Variants in BLK observed in about 807,000 individuals in gnomAD.
BLK encodes the protein BLK proto-oncogene, Src family tyrosine kinase.
Under a neutral mutation model 61.8 loss-of-function variants are expected in BLK, and 64 were observed. The observed-to-expected ratio is 1.03, with a 90% confidence interval of 0.85 to 1.27. The LOEUF is 1.27. BLK is among the 50% of genes most tolerant of loss of function. BLK has a pLI of 0.00. For synonymous variants in BLK, 351 were observed against 272.0 expected, an observed-to-expected ratio of 1.29 and a Z score of -2.86; for missense variants, 853 against 660.5, an observed-to-expected ratio of 1.29 and a Z score of -3.19.
At chr8:11,542,949 A>T (rs1284707283) in intron 1 of BLK, among the ~76,000 whole-genome samples, 1 of 152,132 alleles carries the variant, frequency 6.6e-6, no homozygotes, top group African/African-American at 2.4e-5. Context: ...GAGGACCTGG[A>T]TCCACCCCAG....
At chr8:11,533,177 G>T (rs1799961030) in intron 1 of BLK, among the ~76,000 whole-genome samples, 1 of 152,180 alleles carries the variant, frequency 6.6e-6, no homozygotes, top group African/African-American at 2.4e-5. Flanking sequence ...CAGGACATCT[G>T]TGTCTCTAGA....
Position 11,536,450 on chromosome 8 carries a change from G to A in BLK, c.-1-6774G>A, listed in dbSNP as rs533485425. 2.6e-5 allele frequency among the ~76,000 whole-genome samples: 4 copies of A among 152,142 alleles called. No homozygotes were observed. In the South Asian group the frequency reaches 6.2e-4, roughly 24 times the overall value. ...CTGTCAACTAGGCTGGAGTGCAGTGGCAGGATCTTGGCTCACTGCAACCTC... is the reference window on the plus strand; with the variant it reads ...CTGTCAACTAGGCTGGAGTGCAGTGACAGGATCTTGGCTCACTGCAACCTC... On this transcript the variant is annotated intron_variant, in intron 1 of 12. Transcript: ENST00000259089.
At chr8:11,562,383 C>T (rs576725014) in intron 11 of BLK, among the ~76,000 whole-genome samples, 16 of 152,298 alleles carry the variant, frequency 1.1e-4, no homozygotes, top group South Asian at 8.3e-4. Context: ...CTTGTTCTCT[C>T]GGGAACTTCA....
At chr8:11,518,925 A>AC (rs1392625813) in intron 1 of BLK, among the ~76,000 whole-genome samples, 7 of 152,130 alleles carry the variant, frequency 4.6e-5, no homozygotes, top group African/African-American at 1.7e-4. Context: ...AGACTCCAGC[A>AC]TACGTCGCAC....
intron 11 of BLK, 63 bp from the exon 12 acceptor site, chr8:11,562,916 T>A: frequency 6.2e-7 from 1 of 1,608,136 alleles, no homozygotes; most frequent in South Asian, 1.1e-5. Flanking sequence ...GGGGTAGGGG[T>A]GAGGATGGAG....
intron 10 of BLK, chr8:11,559,118 C>A (rs779682220): frequency 5.5e-5 from 22 of 400,486 alleles, no homozygotes; most frequent in Non-Finnish European, 9.7e-5. Context: ...CCCACTACAC[C>A]CCCTTGGGAA....
At chr8:11,536,130 A>G (rs1413277745) in intron 1 of BLK, among the ~76,000 whole-genome samples, 1 of 152,232 alleles carries the variant, frequency 6.6e-6, no homozygotes, top group Non-Finnish European at 1.5e-5. Flanking sequence ...ATACCATGGA[A>G]ATATTGCTAG....
In BLK at chr8:11,564,063, G is replaced by A; in HGVS notation, c.1473G>A (p.Glu491=). Residue 491 remains glutamate, a synonymous_variant, in exon 13 of 13, where the codon GAG becomes GAA. Coordinates refer to ENST00000259089, the MANE Select transcript of BLK (RefSeq NM_001715.3). ...TCGAGTTCCTGCAGTCGGTGCTGGA[G>A]GACTTCTACACGGCCACCGAGCGGC... ...PTFEFLQSVL[E]DFYTATERQY... 1 of 1,599,782 alleles carries A rather than the reference G, an allele frequency of 6.3e-7. No individual in the cohort carries two copies. The highest frequency in any genetic ancestry group is 8.5e-7 in the Non-Finnish European group (1 of 1,177,134).
intron 1 of BLK, among the ~76,000 whole-genome samples, chr8:11,542,771 T>C (rs1486885799): frequency 6.6e-6 from 1 of 152,220 alleles, no homozygotes; most frequent in Non-Finnish European, 1.5e-5. Context: ...AGTCATCTTC[T>C]AACAAAGCCC....
intron 5 of BLK, 99 bp downstream of exon 5, chr8:11,549,221 G>C: frequency 9.2e-7 from 1 of 1,082,056 alleles, no homozygotes; most frequent in Admixed American, 2.0e-5. Context: ...ACTGACCAGG[G>C]AGCCTGCAGG....
intron 1 of BLK, among the ~76,000 whole-genome samples, chr8:11,530,875 T>A (rs1370468519): frequency 6.6e-6 from 1 of 152,260 alleles, no homozygotes; most frequent in Admixed American, 6.5e-5. Context: ...TTCTCTTTGA[T>A]AAGCAACAAG....
At position 11,549,167 on chromosome 8, in the gene BLK, G is replaced by A. The variant is rs1318247999; in HGVS notation, c.368+45G>A. ...CCCCTCGAGCCAAGATGCAGTCACT[G>A]TTTCTGCTCCCTGGGCTGTTAGGCA... is the stretch of plus-strand genomic sequence containing the variant. On this transcript the variant is annotated intron_variant, in intron 5 of 12. Transcript: ENST00000259089. 3.3e-6 allele frequency: 5 copies of A among 1,522,870 alleles called. No homozygotes were observed. In the South Asian group the frequency reaches 4.8e-5, roughly 15 times the overall value. 94.3% of individuals were successfully genotyped at this position (1,522,870 alleles called of 1,614,324 possible).
chr8:11,507,102 G>A (rs1798801175), intron 1 of BLK, among the ~76,000 whole-genome samples: 1 of 152,222 alleles, frequency 6.6e-6, no homozygotes, highest in South Asian at 2.1e-4. Context: ...GCATCACTGA[G>A]CTTGTGACAT....
chr8:11,525,383 C>G (rs1471103864), intron 1 of BLK, among the ~76,000 whole-genome samples: 1 of 152,030 alleles, frequency 6.6e-6, no homozygotes, highest in African/African-American at 2.4e-5. Flanking sequence ...TGATTTTTAC[C>G]AAAAATGTCC....
At chr8:11,551,696 T>G (rs1800913584) in intron 6 of BLK, among the ~76,000 whole-genome samples, 1 of 152,188 alleles carries the variant, frequency 6.6e-6, no homozygotes. Context: ...TGTTTCCAGT[T>G]TGGGGCTGTT....
At chr8:11,527,775 T>TA (rs113320027) in intron 1 of BLK, among the ~76,000 whole-genome samples, 2,351 of 139,176 alleles carry the variant, frequency 0.017, 48 homozygotes, top group African/African-American at 0.056. Context: ...AGTCTGGGTG[T>TA]AAAAAAAAAA....
chr8:11,548,162 A>AC (rs753710738), intron 4 of BLK, 37 bp downstream of exon 4: 1 of 1,497,206 alleles, frequency 6.7e-7, no homozygotes, highest in Non-Finnish European at 9.2e-7. Flanking sequence ...TCCCTGCAGG[A>AC]CCCCCCTCCC....
At chr8:11,556,429 T>C (rs1801226368) in intron 8 of BLK, 1 of 583,814 alleles carries the variant, frequency 1.7e-6, no homozygotes, top group Admixed American at 2.6e-5. Flanking sequence ...GGCAAATAGG[T>C]GAAATGCCCC....
intron 1 of BLK, among the ~76,000 whole-genome samples, chr8:11,496,613 G>A (rs1049551343): frequency 6.6e-6 from 1 of 152,194 alleles, no homozygotes; most frequent in Non-Finnish European, 1.5e-5. Context: ...TCTGCCCAGC[G>A]AAGCTCACTG....
Sources: gnomAD v4.1 joint callset for allele counts (sites outside exome capture counted in the v4.1 genomes callset) on GRCh38, gnomAD v4.1.1 for gene constraint, MANE v1.5 for transcripts, NCBI Gene and HGNC (gene_info 2026-07-23, HGNC 2026-07-21) for gene names.